The following FER variants were observed in gnomAD, a reference collection of about 807,000 sequenced individuals.
The protein encoded by FER is FER tyrosine kinase.
A neutral mutation model predicts 111.0 loss-of-function variants in FER; 63 were observed. The ratio of observed to expected loss-of-function variants is 0.57; its 90% CI spans 0.46 to 0.70. FER has a LOEUF of 0.70. Ranked by LOEUF, FER falls within the 30% of genes least tolerant of loss-of-function variation. FER has a pLI of 0.00. For synonymous variants in FER, 327 were observed against 313.9 expected, an observed-to-expected ratio of 1.04 and a Z score of -0.44; for missense variants, 914 against 954.0, an observed-to-expected ratio of 0.96 and a Z score of 0.55.
At chr5:109,161,495 T>C (rs561475202) in intron 17 of FER, among the ~76,000 whole-genome samples, 9 of 152,244 alleles carry the variant, frequency 5.9e-5, no homozygotes, top group African/African-American at 1.7e-4. Context: ...CTCCCACTTA[T>C]AAGCGAGAAT....
intron 13 of FER, among the ~76,000 whole-genome samples, chr5:108,963,112 T>C (rs1561684861): frequency 6.6e-6 from 1 of 152,102 alleles, no homozygotes; most frequent in Admixed American, 6.6e-5. Context: ...AATATAGGGA[T>C]TGGTCAAATA....
intron 16 of FER, chr5:109,051,464 G>T: frequency 6.2e-7 from 1 of 1,613,176 alleles, no homozygotes; most frequent in Non-Finnish European, 8.5e-7. Flanking sequence ...TCAAAAGGCT[G>T]TGCGTGGGAG....
At chr5:108,830,151 A>T (rs1005435074) in intron 3 of FER, among the ~76,000 whole-genome samples, 2 of 152,238 alleles carry the variant, frequency 1.3e-5, no homozygotes, top group African/African-American at 4.8e-5. Flanking sequence ...GGGAGACATT[A>T]TAAGTCTTAG....
At chr5:108,853,115 A>T (rs1394161348) in intron 5 of FER, among the ~76,000 whole-genome samples, 1 of 152,176 alleles carries the variant, frequency 6.6e-6, no homozygotes, top group Non-Finnish European at 1.5e-5. Context: ...AAGATGATAT[A>T]AATATCAGAG....
Position 108,987,953 on chromosome 5 carries a change from G to A in FER, c.1656+28606G>A, listed in dbSNP as rs766667318. Among the ~76,000 whole-genome samples the A allele has an allele frequency of 6.1e-4, 73 of 119,204 alleles. 1 individual carries two copies. Among genetic ancestry groups the A allele is most frequent in the Non-Finnish European group, 7.5e-4 (37 of 49,664 alleles). 78.2% of individuals were successfully genotyped at this position (119,204 alleles called of 152,430 possible). A position where few individuals can be genotyped will look rare whatever the true frequency, so the allele number is the denominator to read the frequency against. ...GTTTGTCATAGATGGCTTTTATTAC[G>A]TTAAGGTATATCCCTTCTCTGCCAG... On this transcript the variant is annotated intron_variant, in intron 13 of 19. Coordinates refer to ENST00000281092, the MANE Select transcript of FER (RefSeq NM_005246.4).
intron 2 of FER, among the ~76,000 whole-genome samples, chr5:108,794,797 T>C (rs6594339): frequency 0.016 from 2,460 of 152,272 alleles, 77 homozygotes; most frequent in African/African-American, 0.057. Flanking sequence ...TTCTTTTCTC[T>C]TGTTGCTTTT....
chr5:108,884,718 C>A (rs2150291098), intron 9 of FER, among the ~76,000 whole-genome samples: 1 of 151,986 alleles, frequency 6.6e-6, no homozygotes, highest in South Asian at 2.1e-4. Flanking sequence ...ATATTTTTTC[C>A]CACGTACTAT....
At chr5:109,183,539 G>A (rs114666651) in intron 18 of FER, among the ~76,000 whole-genome samples, 295 of 152,192 alleles carry the variant, frequency 1.9e-3, no homozygotes, top group African/African-American at 6.6e-3. Flanking sequence ...GTGAGCTACC[G>A]TGCCCAATCC....
At chr5:108,754,377 G>A (rs376393101) in intron 1 of FER, among the ~76,000 whole-genome samples, 30 of 146,012 alleles carry the variant, frequency 2.1e-4, no homozygotes, top group African/African-American at 6.4e-4. Context: ...ACTGTGCTTC[G>A]GCCTGGGCAA....
At chr5:109,149,909 A>T (rs985101581) in intron 17 of FER, among the ~76,000 whole-genome samples, 1 of 152,116 alleles carries the variant, frequency 6.6e-6, no homozygotes, top group African/African-American at 2.4e-5. Context: ...AAGGCCAGGG[A>T]GCATTACCGC....
chr5:109,115,776 T>G (rs1430243650), intron 17 of FER, among the ~76,000 whole-genome samples: 1 of 152,104 alleles, frequency 6.6e-6, no homozygotes, highest in African/African-American at 2.4e-5. Flanking sequence ...AACTTGGTAG[T>G]TAGATGCTTT....
In FER at chr5:108,936,485, T is replaced by A. The variant is rs572947884; in HGVS notation, c.1237-9645T>A. ...GTTGTTTATTTCATATTGATTCTCC[T>A]ATGCTTATTGCCTGTTGACGTAATA... On this transcript the variant is annotated intron_variant, in intron 10 of 19. Transcript: ENST00000281092. 2.0e-5 allele frequency among the ~76,000 whole-genome samples: 3 copies of A among 152,150 alleles called. No individual in the cohort carries two copies. The South Asian group carries it at 6.2e-4, about 31-fold the overall frequency.
At chr5:108,990,399 CAA>C (rs1374443977) in intron 13 of FER, among the ~76,000 whole-genome samples, 1 of 151,648 alleles carries the variant, frequency 6.6e-6, no homozygotes, top group East Asian at 1.9e-4. Flanking sequence ...TTATGTATAT[CAA>C]TATTTCAGCT....
chr5:109,172,500 G>A (rs1330100079), intron 17 of FER, among the ~76,000 whole-genome samples: 1 of 76,416 alleles, frequency 1.3e-5, no homozygotes, highest in Non-Finnish European at 2.6e-5. Flanking sequence ...GGGGGGAGGG[G>A]GGAGGGATAG....
chr5:108,939,375 A>G (rs949269962), intron 10 of FER, among the ~76,000 whole-genome samples: 5 of 152,082 alleles, frequency 3.3e-5, no homozygotes, highest in African/African-American at 1.2e-4. Flanking sequence ...ATATTCCAGG[A>G]AAGCCTACTA....
At chr5:109,004,842 TGTG>T (rs558364450) in intron 13 of FER, among the ~76,000 whole-genome samples, 15 of 152,168 alleles carry the variant, frequency 9.9e-5, no homozygotes, top group Non-Finnish European at 1.9e-4. Context: ...TTTGAAATTT[TGTG>T]GTGGTTGACA....
At chr5:108,874,697 T>C (rs943431630) in intron 8 of FER, among the ~76,000 whole-genome samples, 1 of 151,970 alleles carries the variant, frequency 6.6e-6, no homozygotes, top group Non-Finnish European at 1.5e-5. Flanking sequence ...AATTTAGTCG[T>C]AGATTCGTGT....
At chr5:108,775,986 C>G (rs1204128207) in intron 2 of FER, among the ~76,000 whole-genome samples, 3 of 152,088 alleles carry the variant, frequency 2.0e-5, no homozygotes, top group African/African-American at 4.8e-5. Context: ...AACACAGTCA[C>G]TCTATTTGTG....
At chr5:108,814,941 C>A (rs1758130466) in intron 3 of FER, among the ~76,000 whole-genome samples, 1 of 152,070 alleles carries the variant, frequency 6.6e-6, no homozygotes, top group Non-Finnish European at 1.5e-5. Context: ...CTATCTTTTT[C>A]CCCCAACTAC....
Sources: allele counts gnomAD v4.1 joint callset (sites outside exome capture counted in the v4.1 genomes callset), GRCh38; gene constraint gnomAD v4.1.1; transcripts MANE v1.5; gene names NCBI Gene and HGNC (gene_info 2026-07-23, HGNC 2026-07-21).